Variants in ENTPD7 observed in about 807,000 individuals in gnomAD.
ENTPD7 encodes ectonucleoside triphosphate diphosphohydrolase 7.
ENTPD7 carries 53 observed loss-of-function variants against 77.9 expected under a neutral mutation model. The observed-to-expected ratio is 0.68, with a 90% CI of 0.55 to 0.85. The LOEUF (loss-of-function observed/expected upper bound fraction) is 0.85, where lower values mean the gene tolerates loss of function less well. ENTPD7 is among the 40% of genes least tolerant of loss of function. The pLI, the probability that ENTPD7 is intolerant of heterozygous loss-of-function variation, is 0.00. For synonymous variants in ENTPD7, 248 were observed against 274.9 expected (o/e 0.90, Z 0.97); for missense variants, 636 against 743.7 (o/e 0.86, Z 1.68).
At chr10:99,661,408 G>A (rs779818313) in intron 2 of ENTPD7, 38 bp from the exon 3 acceptor site, 1 of 1,548,280 alleles carries the variant, frequency 6.5e-7, no homozygotes, top group Admixed American at 2.0e-5. Flanking sequence ...CTCAGTTGTA[G>A]AAATGTTTCA....
intron 3 of ENTPD7, among the ~76,000 whole-genome samples, chr10:99,665,588 C>T (rs1460097138): frequency 6.6e-6 from 1 of 152,208 alleles, no homozygotes; most frequent in Non-Finnish European, 1.5e-5. Context: ...AGGCATCAGA[C>T]ACCAGATACA....
In ENTPD7 at chr10:99,709,139, T is replaced by C; in HGVS notation, c.*4456T>C. ...TTTACTACAACATCCAAGCAATTCA[T>C]TAGATGACTACAGCCTAGATGAAGG... On this transcript the variant is annotated 3_prime_UTR_variant, in exon 13 of 13. Transcript: ENST00000370489. The C allele has an allele frequency of 1.0e-6, 1 of 984,242 alleles. No homozygotes were observed. Among genetic ancestry groups the C allele is most frequent in the African/African-American group, 1.7e-5 (1 of 57,340 alleles). 61.0% of individuals were successfully genotyped at this position (984,242 alleles called of 1,614,324 possible).
At chr10:99,683,476 A>T (rs535840651) in intron 5 of ENTPD7, among the ~76,000 whole-genome samples, 2 of 152,346 alleles carry the variant, frequency 1.3e-5, no homozygotes, top group Admixed American at 6.5e-5. Flanking sequence ...ATAAAATAAT[A>T]ATTTTTATTT....
intron 3 of ENTPD7, among the ~76,000 whole-genome samples, chr10:99,678,563 A>G (rs941361103): frequency 6.6e-6 from 1 of 151,872 alleles, no homozygotes; most frequent in African/African-American, 2.4e-5. Flanking sequence ...TTTTAATGCA[A>G]TTCTAGCAAT....
chr10:99,672,173 A>AG (rs1401497376), intron 3 of ENTPD7, among the ~76,000 whole-genome samples: 1 of 152,100 alleles, frequency 6.6e-6, no homozygotes, highest in Admixed American at 6.5e-5. Context: ...TTTTAGAGAC[A>AG]GGGGTCTCAC....
chr10:99,685,048 A>G (rs2133468409), intron 5 of ENTPD7, among the ~76,000 whole-genome samples: 1 of 152,322 alleles, frequency 6.6e-6, no homozygotes, highest in South Asian at 2.1e-4. Context: ...ACCTGAGGTC[A>G]GGAGTTCGAG....
chr10:99,692,953 A>G (rs2035908564), intron 8 of ENTPD7, among the ~76,000 whole-genome samples: 1 of 152,210 alleles, frequency 6.6e-6, no homozygotes, highest in African/African-American at 2.4e-5. Flanking sequence ...AATATAGGTC[A>G]CGGAACCTTG....
chr10:99,689,914 T>C (rs1484073630), intron 7 of ENTPD7, among the ~76,000 whole-genome samples: 3 of 152,240 alleles, frequency 2.0e-5, no homozygotes, highest in Non-Finnish European at 2.9e-5. Context: ...ATAGTTCTTA[T>C]GGGAAAGACA....
At chr10:99,688,077 A>G in intron 6 of ENTPD7, among the ~76,000 whole-genome samples, 1 of 152,162 alleles carries the variant, frequency 6.6e-6, no homozygotes. Flanking sequence ...AAAAAGCAGG[A>G]GATTTCCCTT....
rs1373521042 is a variant in ENTPD7 at position 99,707,442 on chromosome 10, A to G, written c.*2759A>G. Among the ~76,000 whole-genome samples the G allele has an allele frequency of 6.6e-6, 1 of 152,276 alleles. No individual in the cohort carries two copies. The highest frequency in any genetic ancestry group is 6.5e-5 in the Admixed American group (1 of 15,288). ...TTACTTAAATATATTTCTTCCTTAT[A>G]ATAAAATAATTTGCTTCTAGGAGCA... On this transcript the variant is annotated 3_prime_UTR_variant, in exon 13 of 13. Coordinates refer to ENST00000370489, the MANE Select transcript of ENTPD7 (RefSeq NM_020354.5).
intron 3 of ENTPD7, among the ~76,000 whole-genome samples, chr10:99,662,842 A>C (rs2035503274): frequency 6.6e-6 from 1 of 152,220 alleles, no homozygotes; most frequent in Non-Finnish European, 1.5e-5. Context: ...TGTGCAAGAC[A>C]ATTAAAGACA....
chr10:99,690,325 C>G, intron 7 of ENTPD7, among the ~76,000 whole-genome samples: 1 of 152,120 alleles, frequency 6.6e-6, no homozygotes, highest in East Asian at 1.9e-4. Flanking sequence ...ATCATTGCTT[C>G]TAGGCCTTTC....
rs968694240 is a variant in ENTPD7, at chr10:99,710,393, T to C, written c.*5710T>C. 23 of 985,324 alleles carry C rather than the reference T, an allele frequency of 2.3e-5. No individual in the cohort carries two copies. The highest frequency in any genetic ancestry group is 2.8e-5 in the Non-Finnish European group (23 of 829,934). 61.0% of individuals were successfully genotyped at this position (985,324 alleles called of 1,614,324 possible). On this transcript the variant is annotated 3_prime_UTR_variant, in exon 13 of 13. Coordinates refer to ENST00000370489, the MANE Select transcript of ENTPD7 (RefSeq NM_020354.5). ...ATGCCATGTACTCCCCCTTTATTTC[T>C]ACCTTGATCAATGGCCTCTGCGGAG...
Position 99,706,010 on chromosome 10 carries a change from A to G in ENTPD7, c.*1327A>G, listed in dbSNP as rs2036243596. ...TACCCTTTCCTACATGTAGCCTTGA[A>G]TGTCCTTTCCACGAATATGCTCCCA... On this transcript the variant is annotated 3_prime_UTR_variant, in exon 13 of 13. Transcript: ENST00000370489. The G allele has an allele frequency of 6.6e-6, 1 of 152,164 alleles. No homozygotes were observed. The highest frequency in any genetic ancestry group is 3.2e-3 in the Middle Eastern group (1 of 316). The allele number at this position is 152,164 out of a possible 1,614,324, so 9.4% of individuals were successfully genotyped here. A position where few individuals can be genotyped will look rare whatever the true frequency, so the allele number is the denominator to read the frequency against.
At chr10:99,695,336 A>G (rs1262225546) in intron 8 of ENTPD7, among the ~76,000 whole-genome samples, 8 of 152,114 alleles carry the variant, frequency 5.3e-5, no homozygotes, top group Non-Finnish European at 4.4e-5. Context: ...CATCCTGGCC[A>G]ACATGGTGAA....
chr10:99,699,055 A>T (rs1018218788), intron 10 of ENTPD7, among the ~76,000 whole-genome samples, 197 bp downstream of exon 10: 2 of 152,154 alleles, frequency 1.3e-5, no homozygotes, highest in Non-Finnish European at 2.9e-5. Flanking sequence ...ACTGCCTTCT[A>T]ATTAACTAAA....
At chr10:99,666,400 G>A (rs954183137) in intron 3 of ENTPD7, among the ~76,000 whole-genome samples, 2 of 152,056 alleles carry the variant, frequency 1.3e-5, no homozygotes, top group Non-Finnish European at 2.9e-5. Flanking sequence ...GTAGAGACGG[G>A]GTTTCACCAT....
intron 9 of ENTPD7, chr10:99,697,855 C>A: frequency 6.5e-6 from 1 of 153,070 alleles, no homozygotes; most frequent in Non-Finnish European, 1.5e-5. Context: ...AATTTCTGTC[C>A]TTGGACAGAT....
intron 3 of ENTPD7, among the ~76,000 whole-genome samples, chr10:99,666,578 A>G (rs2035553620): frequency 6.6e-6 from 1 of 152,240 alleles, no homozygotes; most frequent in Non-Finnish European, 1.5e-5. Context: ...AATGAAAAAG[A>G]AAGCAGGAAG....
Sources: allele counts gnomAD v4.1 joint callset (sites outside exome capture counted in the v4.1 genomes callset), GRCh38; gene constraint gnomAD v4.1.1; transcripts MANE v1.5; gene names NCBI Gene and HGNC (gene_info 2026-07-23, HGNC 2026-07-21).